Variants in LRP1B observed in about 807,000 individuals in gnomAD.
LRP1B encodes the protein LDL receptor related protein 1B.
LRP1B carries 217 observed loss-of-function variants against 556.6 expected under a neutral mutation model. That is an observed-to-expected ratio of 0.39 (90% CI 0.35 to 0.44). The LOEUF (loss-of-function observed/expected upper bound fraction) is 0.44, where lower values mean the gene tolerates loss of function less well. Ranked by LOEUF, LRP1B falls within the 20% of genes least tolerant of loss-of-function variation. LRP1B has a pLI of 1.00. For synonymous variants in LRP1B, 2,047 were observed against 1,865.8 expected (o/e 1.10, Z -2.50); for missense variants, 5,053 against 5,620.8 (o/e 0.90, Z 3.23).
intron 77 of LRP1B, among the ~76,000 whole-genome samples, chr2:140,340,759 G>A (rs16843809): frequency 0.038 from 5,768 of 150,968 alleles, 199 homozygotes; most frequent in African/African-American, 0.091. Context: ...AAGCCTACAC[G>A]GTTTGGTATA....
At chr2:141,336,564 G>A (rs1427391513) in intron 3 of LRP1B, among the ~76,000 whole-genome samples, 1 of 151,668 alleles carries the variant, frequency 6.6e-6, no homozygotes, top group Non-Finnish European at 1.5e-5. Context: ...TCTCATTTTT[G>A]TTTTTTAAAT....
At chr2:141,147,781 C>T (rs1272276082) in intron 7 of LRP1B, among the ~76,000 whole-genome samples, 1 of 152,048 alleles carries the variant, frequency 6.6e-6, no homozygotes, top group African/African-American at 2.4e-5. Context: ...GGTCACATAC[C>T]ACATAATAAC....
chr2:141,107,133 A>T (rs1452990831), intron 7 of LRP1B, among the ~76,000 whole-genome samples: 1 of 151,848 alleles, frequency 6.6e-6, no homozygotes, highest in Non-Finnish European at 1.5e-5. Flanking sequence ...TGTGATTTAT[A>T]AAAAAAATAA....
intron 20 of LRP1B, among the ~76,000 whole-genome samples, chr2:140,929,740 C>T (rs1472203190): frequency 7.8e-6 from 1 of 128,084 alleles, no homozygotes; most frequent in African/African-American, 2.8e-5. Context: ...AAAGTTTATA[C>T]CACAGTCATA....
At chr2:141,898,597 A>G (rs1699526596) in intron 1 of LRP1B, among the ~76,000 whole-genome samples, 1 of 152,174 alleles carries the variant, frequency 6.6e-6, no homozygotes, top group African/African-American at 2.4e-5. Flanking sequence ...TGTATTCTTC[A>G]CATTAAAAGT....
At chr2:140,856,816 T>C (rs1049584209) in intron 27 of LRP1B, among the ~76,000 whole-genome samples, 2 of 151,934 alleles carry the variant, frequency 1.3e-5, no homozygotes, top group Admixed American at 6.6e-5. Flanking sequence ...GTATCTATTA[T>C]TGTGTTAGAG....
chr2:140,366,320 T>G (rs560267262), intron 71 of LRP1B, among the ~76,000 whole-genome samples: 1 of 151,732 alleles, frequency 6.6e-6, no homozygotes, highest in East Asian at 2.0e-4. Flanking sequence ...TACTCATTTT[T>G]TAGTGTGTGT....
At chr2:140,584,939 T>C (rs1038654962) in intron 43 of LRP1B, among the ~76,000 whole-genome samples, 7 of 152,246 alleles carry the variant, frequency 4.6e-5, no homozygotes, top group African/African-American at 1.7e-4. Context: ...TTATAATTTG[T>C]CTTTTAGTTT....
At chr2:140,267,164 T>C (rs1408600716) in intron 86 of LRP1B, among the ~76,000 whole-genome samples, 1 of 152,090 alleles carries the variant, frequency 6.6e-6, no homozygotes, top group Admixed American at 6.6e-5. Flanking sequence ...AGAGTATTTA[T>C]TAGGTCAGTT....
At chr2:141,710,103 A>C (rs1692304342) in intron 2 of LRP1B, among the ~76,000 whole-genome samples, 1 of 152,166 alleles carries the variant, frequency 6.6e-6, no homozygotes, top group Non-Finnish European at 1.5e-5. Context: ...CTGGGGGATT[A>C]AGCTTCAACA....
chr2:141,943,808 T>C (rs1425118116), intron 1 of LRP1B, among the ~76,000 whole-genome samples: 1 of 152,134 alleles, frequency 6.6e-6, no homozygotes, highest in Non-Finnish European at 1.5e-5. Context: ...AGCATCATAA[T>C]GTAGGAAAAT....
chr2:140,568,450 A>C (rs1170403643), intron 43 of LRP1B, among the ~76,000 whole-genome samples: 1 of 152,054 alleles, frequency 6.6e-6, no homozygotes, highest in Admixed American at 6.6e-5. Flanking sequence ...AAGAAGAAAT[A>C]ATGAAAAAAA....
intron 6 of LRP1B, among the ~76,000 whole-genome samples, chr2:141,216,587 G>T (rs1682825182): frequency 6.6e-6 from 1 of 152,146 alleles, no homozygotes; most frequent in Non-Finnish European, 1.5e-5. Context: ...GACTGGAAAA[G>T]CCACAGGCAC....
At chr2:141,941,365 C>T (rs1443561257) in intron 1 of LRP1B, among the ~76,000 whole-genome samples, 1 of 152,152 alleles carries the variant, frequency 6.6e-6, no homozygotes, top group Non-Finnish European at 1.5e-5. Context: ...TTTGCTAATT[C>T]AAATGCAAGG....
intron 2 of LRP1B, among the ~76,000 whole-genome samples, chr2:141,630,030 A>G (rs1688851894): frequency 6.6e-6 from 1 of 152,142 alleles, no homozygotes; most frequent in Non-Finnish European, 1.5e-5. Flanking sequence ...ATAATGTTCT[A>G]ACTTCATCCA....
Position 140,356,482 on chromosome 2 carries a change from A to G in LRP1B, c.11396-6T>C, listed in dbSNP as rs1009610057. 1 of 1,581,212 alleles carries G rather than the reference A, an allele frequency of 6.3e-7. No homozygotes were observed. The highest frequency in any genetic ancestry group is 8.6e-7 in the Non-Finnish European group (1 of 1,161,258). On this transcript the variant is annotated splice_region_variant and splice_polypyrimidine_tract_variant and intron_variant, in intron 74 of 90. Transcript: ENST00000389484. ...ACAGGTATATTCAGTAGGAGCTGGG[A>G]TTTAAAAATATGATCAAAACTAATA...
chr2:140,275,419 C>A (rs575657000), intron 84 of LRP1B, among the ~76,000 whole-genome samples: 1 of 151,938 alleles, frequency 6.6e-6, no homozygotes, highest in South Asian at 2.1e-4. Context: ...CTTGTAATGA[C>A]GGTCTCAATC....
chr2:141,392,483 A>G (rs1341930636), intron 3 of LRP1B, among the ~76,000 whole-genome samples: 1 of 141,230 alleles, frequency 7.1e-6, no homozygotes, highest in African/African-American at 2.9e-5. Flanking sequence ...AAAAAAAAAG[A>G]GAGACTGTCA....
At chr2:141,968,612 T>C (rs971513813) in intron 1 of LRP1B, among the ~76,000 whole-genome samples, 23 of 151,720 alleles carry the variant, frequency 1.5e-4, no homozygotes, top group African/African-American at 4.8e-4. Flanking sequence ...GAAAAAAAAG[T>C]GAGTTTCCAA....
Sources: gnomAD v4.1 joint callset for allele counts (sites outside exome capture counted in the v4.1 genomes callset) on GRCh38, gnomAD v4.1.1 for gene constraint, MANE v1.5 for transcripts, NCBI Gene and HGNC (gene_info 2026-07-23, HGNC 2026-07-21) for gene names.